The following ZNF727 variants were observed in gnomAD, a reference collection of about 807,000 sequenced individuals.
The protein encoded by ZNF727 is zinc finger protein 727.
In ZNF727, 11 loss-of-function variants were observed where a neutral mutation model predicts 11.5. The ratio of observed to expected loss-of-function variants is 0.95; its 90% CI spans 0.60 to 1.58. The LOEUF (loss-of-function observed/expected upper bound fraction) is 1.58, where lower values mean the gene tolerates loss of function less well. Among genes scored for constraint, ZNF727 ranks in the 40% most tolerant of loss-of-function variants. ZNF727 has a pLI of 0.00. For synonymous variants in ZNF727, 171 were observed against 196.1 expected (o/e 0.87, Z 1.07); for missense variants, 533 against 581.7 (o/e 0.92, Z 0.86).
chr7:64,063,261 G>A (rs1228259184), intron 1 of ZNF727, among the ~76,000 whole-genome samples: 1 of 152,094 alleles, frequency 6.6e-6, no homozygotes. Context: ...TTCTTAGAAA[G>A]GCTTTCCAAG....
chr7:64,077,539 A>G lies in ZNF727; in HGVS notation c.490A>G (p.Lys164Glu). ...FGLCSIFTEH[K>E]KIFSREKCYK... is the part of the protein sequence containing the mutation. Reference sequence around the variant, plus strand: ...GTTGTGCTCAATCTTCACTGAACATAAGAAAATTTTTAGCAGAGAGAAATG... The same window carrying G: ...GTTGTGCTCAATCTTCACTGAACATGAGAAAATTTTTAGCAGAGAGAAATG... The change falls in exon 4 of 4, where the codon AAG (lysine) becomes GAG (glutamate). Residue 164 changes from lysine (K) to glutamate (E), a missense_variant. Physicochemically the swap from Lys to Glu is moderately conservative, Grantham distance 56. This residue lies in a region of ZNF727 where 463 missense variants were observed against 494.5 expected (regional missense o/e 0.94). Transcript: ENST00000456806. 1.3e-6 allele frequency: 2 copies of G among 1,551,468 alleles called. No individual in the cohort carries two copies. The highest frequency in any genetic ancestry group is 2.4e-5 in the South Asian group (2 of 84,042).
At chr7:64,054,320 G>T (rs560226775) in intron 1 of ZNF727, among the ~76,000 whole-genome samples, 38 of 152,276 alleles carry the variant, frequency 2.5e-4, no homozygotes, top group Non-Finnish European at 4.7e-4. Flanking sequence ...AACTTGCTGG[G>T]GTAGAGACCA....
At chr7:64,048,980 C>A (rs577925930) in intron 1 of ZNF727, among the ~76,000 whole-genome samples, 143 of 152,026 alleles carry the variant, frequency 9.4e-4, no homozygotes, top group African/African-American at 3.2e-3. Context: ...ATGGAGAGGG[C>A]GGTGACCAAA....
Position 64,080,171 on chromosome 7 carries a change from C to T in ZNF727, c.*1622C>T, listed in dbSNP as rs1785764065. 6.6e-6 allele frequency among the ~76,000 whole-genome samples: 1 copy of T among 152,048 alleles called. No homozygotes were observed. Among genetic ancestry groups the T allele is most frequent in the African/African-American group, 2.4e-5 (1 of 41,420 alleles). Reference sequence around the variant, plus strand: ...TCGTGGGGTATATTATTGGGGTTCTCCACATTTCTTGCCTTTGAATGTTGG... The same window carrying T: ...TCGTGGGGTATATTATTGGGGTTCTTCACATTTCTTGCCTTTGAATGTTGG... On this transcript the variant is annotated 3_prime_UTR_variant, in exon 4 of 4. Coordinates refer to ENST00000456806, the MANE Select transcript of ZNF727 (RefSeq NM_001159522.3).
rs1785736116 is a variant in ZNF727, at chr7:64,078,723, A to G, written c.*174A>G. Among the ~76,000 whole-genome samples the G allele has an allele frequency of 6.6e-6, 1 of 152,076 alleles. No homozygotes were observed. Among genetic ancestry groups the G allele is most frequent in the South Asian group, 2.1e-4 (1 of 4,822 alleles). On this transcript the variant is annotated 3_prime_UTR_variant, in exon 4 of 4. Coordinates refer to ENST00000456806, the MANE Select transcript of ZNF727 (RefSeq NM_001159522.3). ...CCTTACAAGCCACAAGAGAATTCAT[A>G]TGGAAGAGAGACCTTACAAATGTGA...
At chr7:64,054,234 A>G (rs572380966) in intron 1 of ZNF727, among the ~76,000 whole-genome samples, 20 of 152,322 alleles carry the variant, frequency 1.3e-4, no homozygotes, top group African/African-American at 4.1e-4. Context: ...TGGTCTATGC[A>G]GTGAAAGAAA....
At chr7:64,071,367 T>C (rs770176449) in intron 3 of ZNF727, among the ~76,000 whole-genome samples, 1 of 152,128 alleles carries the variant, frequency 6.6e-6, no homozygotes, top group Non-Finnish European at 1.5e-5. Context: ...ATTGGTGACA[T>C]TGAGCACCTT....
In ZNF727 at chr7:64,084,752, A is replaced by G. The variant is rs1584162792; in HGVS notation, c.*6203A>G. Among the ~76,000 whole-genome samples, 1 of 152,182 alleles carries G rather than the reference A, an allele frequency of 6.6e-6. No individual in the cohort carries two copies. Among genetic ancestry groups the G allele is most frequent in the African/African-American group, 2.4e-5 (1 of 41,454 alleles). On this transcript the variant is annotated 3_prime_UTR_variant, in exon 4 of 4. Coordinates refer to ENST00000456806, the MANE Select transcript of ZNF727 (RefSeq NM_001159522.3). ...AGACCTTTAGTTTTGATTTACATCA[A>G]TTTAAATATACAAATGTATCACTGT... is the stretch of plus-strand genomic sequence containing the variant.
chr7:64,070,432 A>G (rs1789942018), intron 3 of ZNF727, among the ~76,000 whole-genome samples: 1 of 98,412 alleles, frequency 1.0e-5, no homozygotes, highest in Admixed American at 1.3e-4. Flanking sequence ...TGTGTCATTC[A>G]TATGTATGTA....
intron 1 of ZNF727, among the ~76,000 whole-genome samples, chr7:64,068,414 G>C (rs1279332232): frequency 3.9e-5 from 6 of 151,988 alleles, no homozygotes; most frequent in Non-Finnish European, 8.8e-5. Flanking sequence ...TTCTCCTTGG[G>C]CCAGAAGCAA....
chr7:64,077,275 G>A lies in ZNF727; in HGVS notation c.227-1G>A, dbSNP rs1317511263. 34 of 1,486,392 alleles carry A rather than the reference G, an allele frequency of 2.3e-5. No individual in the cohort carries two copies. Among genetic ancestry groups the A allele is most frequent in the Non-Finnish European group, 2.9e-5 (33 of 1,119,826 alleles). The allele number at this position is 1,486,392 out of a possible 1,614,324, so 92.1% of individuals were successfully genotyped here. On this transcript the variant is annotated splice_acceptor_variant, in intron 3 of 3. Transcript: ENST00000456806. LOFTEE classifies it high-confidence loss of function. ...TTTTGTGGTTCTTTTTTTTTTTTCAGCTGGCTCTTTGCATTTTACTGCAGA... is the reference window on the plus strand; with the variant it reads ...TTTTGTGGTTCTTTTTTTTTTTTCAACTGGCTCTTTGCATTTTACTGCAGA...
At chr7:64,059,962 T>G (rs1298019914) in intron 1 of ZNF727, among the ~76,000 whole-genome samples, 1 of 152,226 alleles carries the variant, frequency 6.6e-6, no homozygotes, top group Admixed American at 6.5e-5. Flanking sequence ...TGCTTTGAAA[T>G]GTAAATGGTT....
chr7:64,060,068 G>GA (rs1210153098), intron 1 of ZNF727, among the ~76,000 whole-genome samples: 1 of 152,012 alleles, frequency 6.6e-6, no homozygotes, highest in Non-Finnish European at 1.5e-5. Flanking sequence ...AATTTTCATT[G>GA]AATATACCCA....
At chr7:64,073,447 T>C (rs1372043769) in intron 3 of ZNF727, among the ~76,000 whole-genome samples, 1 of 145,674 alleles carries the variant, frequency 6.9e-6, no homozygotes, top group Non-Finnish European at 1.6e-5. Context: ...TCTACTGGGT[T>C]CTTTTTTTTC....
rs1785797506 is a variant in ZNF727, at chr7:64,081,811, A to G, written c.*3262A>G. ...ATGGGAGAAAGTTGAGCCTATGGAA[A>G]TGGCCGTCAATGGCCACACTCTACT... On this transcript the variant is annotated 3_prime_UTR_variant, in exon 4 of 4. Transcript: ENST00000456806. 6.6e-6 allele frequency among the ~76,000 whole-genome samples: 1 copy of G among 152,142 alleles called. No homozygotes were observed. Among genetic ancestry groups the G allele is most frequent in the Non-Finnish European group, 1.5e-5 (1 of 68,026 alleles).
rs1461208366 is a variant in ZNF727 at position 64,080,907 on chromosome 7, G to C, written c.*2358G>C. Among the ~76,000 whole-genome samples the C allele has an allele frequency of 6.8e-6, 1 of 147,282 alleles. No homozygotes were observed. The highest frequency in any genetic ancestry group is 1.5e-5 in the Non-Finnish European group (1 of 67,698). ...TTTTGTTTTTGTTTTTTTTTTTGTG[G>C]TGGTGGAGGGGGCAATGCTCAGCTC... On this transcript the variant is annotated 3_prime_UTR_variant, in exon 4 of 4. Coordinates refer to ENST00000456806, the MANE Select transcript of ZNF727 (RefSeq NM_001159522.3).
chr7:64,067,431 T>C (rs1174594685), intron 1 of ZNF727, among the ~76,000 whole-genome samples: 2 of 152,154 alleles, frequency 1.3e-5, no homozygotes, highest in Non-Finnish European at 2.9e-5. Context: ...TAAAGGCACA[T>C]GCACATGTAT....
intron 1 of ZNF727, among the ~76,000 whole-genome samples, chr7:64,067,956 G>T (rs1052429992): frequency 5.9e-5 from 9 of 152,024 alleles, no homozygotes; most frequent in African/African-American, 2.2e-4. Flanking sequence ...CACCATTAGA[G>T]ATTACAGAAC....
At chr7:64,065,290 G>T (rs1049349157) in intron 1 of ZNF727, among the ~76,000 whole-genome samples, 30 of 152,162 alleles carry the variant, frequency 2.0e-4, no homozygotes, top group Non-Finnish European at 7.3e-5. Flanking sequence ...GTAGGGGCAG[G>T]TCACTGCGGC....
Sources: gnomAD v4.1 joint callset for allele counts (sites outside exome capture counted in the v4.1 genomes callset) on GRCh38, gnomAD v4.1.1 for gene constraint, gnomAD v4.1.1 regional missense constraint, MANE v1.5 for transcripts, NCBI Gene and HGNC (gene_info 2026-07-23, HGNC 2026-07-21) for gene names.